Variants in DPYD observed in about 807,000 individuals in gnomAD.
DPYD encodes dihydropyrimidine dehydrogenase.
Under a neutral mutation model 116.2 loss-of-function variants are expected in DPYD, and 109 were observed. The observed-to-expected ratio is 0.94, with a 90% CI of 0.80 to 1.10. The LOEUF (loss-of-function observed/expected upper bound fraction) is 1.10, where lower values mean the gene tolerates loss of function less well. Ranked by LOEUF, DPYD falls within the 50% of genes least tolerant of loss-of-function variation. DPYD has a pLI of 0.00. For synonymous variants in DPYD, 440 were observed against 432.0 expected, an observed-to-expected ratio of 1.02 and a Z score of -0.23; for missense variants, 1,302 against 1,254.5, an observed-to-expected ratio of 1.04 and a Z score of -0.57.
intron 13 of DPYD, among the ~76,000 whole-genome samples, chr1:97,493,592 G>T (rs1679089793): frequency 6.6e-6 from 1 of 152,034 alleles, no homozygotes; most frequent in South Asian, 2.1e-4. Flanking sequence ...TGATTCATGG[G>T]ATGTAAAACA....
At chr1:97,311,387 C>CT (rs1667508600) in intron 16 of DPYD, among the ~76,000 whole-genome samples, 1 of 151,630 alleles carries the variant, frequency 6.6e-6, no homozygotes, top group Non-Finnish European at 1.5e-5. Context: ...AAGATGAAAT[C>CT]CAAATGGCCA....
rs181281044 is a variant in DPYD, at chr1:97,505,636, T to C, written c.1740+10090A>G. ...ATTTTCTGAACTACAGTTTAAGTTGTCTAAAGTGAATACCATACATTACAC... is the reference window on the plus strand; with the variant it reads ...ATTTTCTGAACTACAGTTTAAGTTGCCTAAAGTGAATACCATACATTACAC... On this transcript the variant is annotated intron_variant, in intron 13 of 22. Transcript: ENST00000370192. 5.8e-3 allele frequency among the ~76,000 whole-genome samples: 879 copies of C among 151,954 alleles called. 6 individuals carry two copies. Among genetic ancestry groups the C allele is most frequent in the Non-Finnish European group, 0.01 (701 of 67,876 alleles).
chr1:97,737,863 G>A (rs890544399), intron 4 of DPYD, among the ~76,000 whole-genome samples: 21 of 152,040 alleles, frequency 1.4e-4, no homozygotes, highest in African/African-American at 3.4e-4. Context: ...CTGCTGCTTC[G>A]ATTTTGTTGT....
chr1:97,180,496 T>G (rs1422847082), intron 20 of DPYD, among the ~76,000 whole-genome samples: 1 of 152,038 alleles, frequency 6.6e-6, no homozygotes, highest in African/African-American at 2.4e-5. Context: ...GTAGAGATCA[T>G]AGAAGGAAAG....
At chr1:97,484,321 CAAAAACAAAAAA>C (rs1237727285) in intron 13 of DPYD, among the ~76,000 whole-genome samples, 1 of 151,972 alleles carries the variant, frequency 6.6e-6, no homozygotes, top group Non-Finnish European at 1.5e-5. Context: ...AAAACAAAAA[CAAAAACAAAAAA>C]ATTCCCCTAG....
chr1:97,532,253 C>G (rs1159883802), intron 12 of DPYD, among the ~76,000 whole-genome samples: 1 of 151,918 alleles, frequency 6.6e-6, no homozygotes, highest in South Asian at 2.1e-4. Flanking sequence ...AGAATATGAT[C>G]TTTTTAATGT....
chr1:97,647,194 A>T (rs1446091977), intron 8 of DPYD, among the ~76,000 whole-genome samples: 2 of 152,100 alleles, frequency 1.3e-5, no homozygotes, highest in Non-Finnish European at 2.9e-5. Context: ...GAGAAATGGG[A>T]ACTAGCTTAC....
intron 14 of DPYD, among the ~76,000 whole-genome samples, chr1:97,397,756 C>T (rs1196832275): frequency 6.6e-6 from 1 of 152,018 alleles, no homozygotes; most frequent in East Asian, 1.9e-4. Context: ...GTTTATAATT[C>T]ACCTACTGAA....
intron 12 of DPYD, among the ~76,000 whole-genome samples, chr1:97,533,172 G>T (rs1649763092): frequency 6.6e-6 from 1 of 151,144 alleles, no homozygotes; most frequent in Non-Finnish European, 1.5e-5. Flanking sequence ...CCAGCACTGG[G>T]GATTACAATT....
At chr1:97,247,397 A>G (rs1207093015) in intron 18 of DPYD, among the ~76,000 whole-genome samples, 2 of 152,150 alleles carry the variant, frequency 1.3e-5, no homozygotes, top group African/African-American at 4.8e-5. Context: ...CTCTCTTAAC[A>G]TACCACAAGT....
At position 97,298,650 on chromosome 1, in the gene DPYD, A is replaced by G. The variant is rs146960631; in HGVS notation, c.2299+6609T>C. 6.8e-4 allele frequency among the ~76,000 whole-genome samples: 104 copies of G among 152,276 alleles called. 1 individual carries two copies. The East Asian group carries it at 8.7e-3, about 13-fold the overall frequency. ...GATAGTCCTCTAGATTTAAGGAATA[A>G]ATATGCTGGCTGTATAGTCAGAGTA... is the stretch of plus-strand genomic sequence containing the variant. On this transcript the variant is annotated intron_variant, in intron 18 of 22. Coordinates refer to ENST00000370192, the MANE Select transcript of DPYD (RefSeq NM_000110.4).
chr1:97,258,050 G>A (rs1014096192), intron 18 of DPYD, among the ~76,000 whole-genome samples: 4 of 152,004 alleles, frequency 2.6e-5, no homozygotes, highest in African/African-American at 9.7e-5. Flanking sequence ...ATAACGGCAT[G>A]AGCAAAAGGA....
At chr1:97,892,642 C>T (rs910653292) in intron 1 of DPYD, among the ~76,000 whole-genome samples, 1 of 151,732 alleles carries the variant, frequency 6.6e-6, no homozygotes, top group Non-Finnish European at 1.5e-5. Flanking sequence ...TTTAAATGTA[C>T]TTCCATTCTT....
intron 10 of DPYD, among the ~76,000 whole-genome samples, chr1:97,590,182 G>T (rs568244012): frequency 2.0e-5 from 3 of 152,224 alleles, no homozygotes; most frequent in South Asian, 4.1e-4. Context: ...AATGCCAAAA[G>T]TTCCCAGTCC....
chr1:97,579,849 A>G lies in DPYD; in HGVS notation c.1129-5879T>C, dbSNP rs78966663. Among the ~76,000 whole-genome samples, 1,410 of 152,320 alleles carry G rather than the reference A, an allele frequency of 9.3e-3. 21 individuals are homozygous for G. Among genetic ancestry groups the G allele is most frequent in the African/African-American group, 0.031 (1,302 of 41,570 alleles). On this transcript the variant is annotated intron_variant, in intron 10 of 22. Coordinates refer to ENST00000370192, the MANE Select transcript of DPYD (RefSeq NM_000110.4). The stretch of plus-strand genomic sequence containing the variant: ...TTTACATTTGACAAATCAGGTTGTC[A>G]CTTTCTTTTTACACAGTAGTGGGAA...
At chr1:97,711,208 T>C (rs994288390) in intron 5 of DPYD, among the ~76,000 whole-genome samples, 54 of 151,876 alleles carry the variant, frequency 3.6e-4, no homozygotes, top group African/African-American at 9.7e-4. Context: ...AAAGGTTATA[T>C]TGGATATTTG....
At chr1:97,169,267 A>G (rs1418957317) in intron 20 of DPYD, among the ~76,000 whole-genome samples, 1 of 152,128 alleles carries the variant, frequency 6.6e-6, no homozygotes, top group Non-Finnish European at 1.5e-5. Context: ...TTACTTCTCT[A>G]TGGAATGGTC....
intron 6 of DPYD, 42 bp from the exon 7 acceptor site, chr1:97,691,840 A>ATGACCAATCTT (rs1553221403): frequency 7.8e-6 from 12 of 1,529,692 alleles, no homozygotes; most frequent in Non-Finnish European, 9.1e-7. Context: ...CAGTAGAAAA[A>ATGACCAATCTT]TGACCAATCT....
At chr1:97,894,495 C>A (rs1383393235) in intron 1 of DPYD, among the ~76,000 whole-genome samples, 1 of 151,682 alleles carries the variant, frequency 6.6e-6, no homozygotes, top group East Asian at 2.0e-4. Flanking sequence ...TCAAATGGTA[C>A]CATGTTGACT....
Sources: allele counts gnomAD v4.1 joint callset (sites outside exome capture counted in the v4.1 genomes callset), GRCh38; gene constraint gnomAD v4.1.1; transcripts MANE v1.5; gene names NCBI Gene and HGNC (gene_info 2026-07-23, HGNC 2026-07-21).